HIP1: variants seen among roughly 807,000 people sequenced by gnomAD.
HIP1 encodes huntingtin interacting protein 1.
Under a neutral mutation model 147.6 loss-of-function variants are expected in HIP1, and 65 were observed. That is an observed-to-expected ratio of 0.44 (90% CI 0.36 to 0.54). The LOEUF (loss-of-function observed/expected upper bound fraction) is 0.54. HIP1 is among the 20% of genes least tolerant of loss of function. The pLI is 0.00. For missense variants in HIP1, 1,061 were observed against 1,299.6 expected (o/e 0.82, Z 2.82); for synonymous variants, 479 against 504.0 (o/e 0.95, Z 0.67).
chr7:75,711,380 A>T (rs544725719), intron 1 of HIP1, among the ~76,000 whole-genome samples: 1 of 152,298 alleles, frequency 6.6e-6, no homozygotes, highest in Admixed American at 6.5e-5. Flanking sequence ...GGACCAATAA[A>T]ATCTTGGCTA....
At chr7:75,711,596 C>G (rs183112136) in intron 1 of HIP1, among the ~76,000 whole-genome samples, 6 of 152,248 alleles carry the variant, frequency 3.9e-5, no homozygotes, top group African/African-American at 1.4e-4. Context: ...ATCAAAAACG[C>G]CATCCTAAAG....
At chr7:75,635,578 A>T (rs1435044037) in intron 1 of HIP1, among the ~76,000 whole-genome samples, 1 of 76,124 alleles carries the variant, frequency 1.3e-5, no homozygotes, top group Non-Finnish European at 3.5e-5. Flanking sequence ...ACTCCATCTC[A>T]AAAAAAAAAA....
At chr7:75,613,997 C>T (rs1414113784) in intron 1 of HIP1, among the ~76,000 whole-genome samples, 1 of 151,934 alleles carries the variant, frequency 6.6e-6, no homozygotes, top group Admixed American at 6.6e-5. Flanking sequence ...TCACTACAAC[C>T]TTAACCTCCT....
chr7:75,559,970 A>G, intron 13 of HIP1, 55 bp from the exon 14 acceptor site: 1 of 1,488,004 alleles, frequency 6.7e-7, no homozygotes, highest in South Asian at 1.3e-5. Flanking sequence ...GGTCACGGGC[A>G]TGGGCCGGAG....
At chr7:75,575,013 C>T (rs1388340437) in intron 7 of HIP1, among the ~76,000 whole-genome samples, 3 of 151,814 alleles carry the variant, frequency 2.0e-5, no homozygotes, top group African/African-American at 7.3e-5. Flanking sequence ...CAAAAATTAG[C>T]CAGGCGTGAT....
chr7:75,541,652 C>T (rs1259700997), intron 29 of HIP1, among the ~76,000 whole-genome samples: 4 of 151,506 alleles, frequency 2.6e-5, no homozygotes, highest in East Asian at 3.9e-4. Context: ...GCCAAGATCA[C>T]GCCACTGCAC....
At chr7:75,699,998 G>A (rs966587767) in intron 1 of HIP1, among the ~76,000 whole-genome samples, 2 of 151,998 alleles carry the variant, frequency 1.3e-5, no homozygotes, top group Admixed American at 1.3e-4. Flanking sequence ...TTACAGGTGC[G>A]CACCACTACA....
At chr7:75,676,769 T>C (rs1346697346) in intron 1 of HIP1, among the ~76,000 whole-genome samples, 2 of 111,756 alleles carry the variant, frequency 1.8e-5, no homozygotes, top group Middle Eastern at 5.2e-3. Context: ...AGAATGAAAC[T>C]CCATCTCAAA....
intron 5 of HIP1, 27 bp from the exon 6 acceptor site, chr7:75,582,178 C>A: frequency 6.3e-7 from 1 of 1,590,492 alleles, no homozygotes; most frequent in South Asian, 1.1e-5. Context: ...GGAAGGGAGT[C>A]AGGGCAGAAG....
At chr7:75,687,850 C>G (rs540484634) in intron 1 of HIP1, among the ~76,000 whole-genome samples, 40 of 152,152 alleles carry the variant, frequency 2.6e-4, no homozygotes, top group Non-Finnish European at 5.6e-4. Flanking sequence ...ACTCCTGAAC[C>G]CTCCGTGTTC....
chr7:75,688,508 C>T (rs1800341896), intron 1 of HIP1, among the ~76,000 whole-genome samples: 1 of 152,110 alleles, frequency 6.6e-6, no homozygotes, highest in African/African-American at 2.4e-5. Context: ...TGCAGCCCGG[C>T]TGACAGGAAG....
chr7:75,641,017 AAAT>A (rs1554510408), intron 1 of HIP1, among the ~76,000 whole-genome samples: 1 of 151,036 alleles, frequency 6.6e-6, no homozygotes, highest in Non-Finnish European at 1.5e-5. Context: ...AAGATATAAG[AAAT>A]AATATCTTGG....
chr7:75,598,060 G>C (rs1358422094), intron 2 of HIP1, among the ~76,000 whole-genome samples: 1 of 152,120 alleles, frequency 6.6e-6, no homozygotes, highest in South Asian at 2.1e-4. Context: ...GGTTGAACCT[G>C]TTCACGAAGG....
At chr7:75,564,951 A>G (rs1795352443) in intron 9 of HIP1, among the ~76,000 whole-genome samples, 1 of 151,754 alleles carries the variant, frequency 6.6e-6, no homozygotes, top group Non-Finnish European at 1.5e-5. Flanking sequence ...GCTGAAGTGC[A>G]GTGGAACGAT....
Position 75,535,846 on chromosome 7 carries a change from G to C in HIP1, c.*2326C>G, listed in dbSNP as rs2116701509. On this transcript the variant is annotated 3_prime_UTR_variant, in exon 31 of 31. Coordinates refer to ENST00000336926, the MANE Select transcript of HIP1 (RefSeq NM_005338.7). ...CCTGTCTCAGCCTCCTGAGTAGCTG[G>C]GATTACGGGCACCCGTCACTACGCT... 5.8e-6 allele frequency: 1 copy of C among 171,354 alleles called. No homozygotes were observed. Among genetic ancestry groups the C allele is most frequent in the South Asian group, 2.0e-4 (1 of 4,980 alleles). 10.6% of individuals were successfully genotyped at this position (171,354 alleles called of 1,614,324 possible).
intron 1 of HIP1, among the ~76,000 whole-genome samples, chr7:75,634,344 T>C (rs1361453361): frequency 6.6e-6 from 1 of 152,006 alleles, no homozygotes; most frequent in Non-Finnish European, 1.5e-5. Flanking sequence ...CTTTCCTAAG[T>C]CTTCTCCCCT....
At chr7:75,695,883 T>A (rs1223083462) in intron 1 of HIP1, among the ~76,000 whole-genome samples, 1 of 148,472 alleles carries the variant, frequency 6.7e-6, no homozygotes, top group Non-Finnish European at 1.5e-5. Context: ...CTGGTACTGG[T>A]TCTTAGACAT....
chr7:75,593,746 A>G (rs807876), intron 2 of HIP1, among the ~76,000 whole-genome samples: 128,959 of 151,852 alleles, frequency 0.85, 55,175 homozygotes, highest in East Asian at 0.96. Flanking sequence ...AGCATCTCCC[A>G]GCCCCTTTCC....
chr7:75,671,214 C>G (rs1185881035), intron 1 of HIP1, among the ~76,000 whole-genome samples: 7 of 152,110 alleles, frequency 4.6e-5, no homozygotes, highest in African/African-American at 1.7e-4. Context: ...CTGCCTCAGC[C>G]TCCTGAGTAG....
Sources: gnomAD v4.1 joint callset for allele counts (sites outside exome capture counted in the v4.1 genomes callset) on GRCh38, gnomAD v4.1.1 for gene constraint, MANE v1.5 for transcripts, NCBI Gene and HGNC (gene_info 2026-07-23, HGNC 2026-07-21) for gene names.